Variants in MSANTD2 observed in about 807,000 individuals in gnomAD.
MSANTD2 encodes the protein Myb/SANT DNA binding domain containing 2, also known as myb/SANT-like DNA-binding domain-containing protein 2.
A neutral mutation model predicts 52.6 loss-of-function variants in MSANTD2; 19 were observed. That is an observed-to-expected ratio of 0.36 (90% CI 0.25 to 0.53). The LOEUF is 0.53. Among genes scored for constraint, MSANTD2 ranks in the 20% least tolerant of loss-of-function variants. MSANTD2 has a pLI of 0.91. For missense variants in MSANTD2, 558 were observed against 716.3 expected (o/e 0.78, Z 2.52); for synonymous variants, 291 against 289.7 (o/e 1.00, Z -0.04).
intron 1 of MSANTD2, among the ~76,000 whole-genome samples, chr11:124,776,675 A>G (rs899722511): frequency 4.6e-5 from 7 of 152,362 alleles, no homozygotes; most frequent in African/African-American, 1.7e-4. Context: ...TGTCCCTTGA[A>G]GCCAGAAATC....
At chr11:124,783,438 G>C (rs1265685394) in intron 1 of MSANTD2, among the ~76,000 whole-genome samples, 1 of 152,094 alleles carries the variant, frequency 6.6e-6, no homozygotes, top group Non-Finnish European at 1.5e-5. Flanking sequence ...CTGGCCAACA[G>C]GAGATACCCT....
Position 124,800,342 on chromosome 11 carries a change from C to A in MSANTD2, c.39G>T (p.Ser13=). 1 of 1,553,798 alleles carries A rather than the reference C, an allele frequency of 6.4e-7. No individual in the cohort carries two copies. Among genetic ancestry groups the A allele is most frequent in the Non-Finnish European group, 8.7e-7 (1 of 1,152,356 alleles). ...CCTCCATCTTCGGAATTTTTAGCGG[C>A]GAGTTGGCGGGCAGCTCCGAGCCAC... The part of the protein sequence containing the change: ...APCGSELPAN[S]PLKIPKMEVL... The change falls in exon 1 of 4, where the codon TCG becomes TCT. Residue 13 remains serine (S), a synonymous_variant. Coordinates refer to ENST00000374979, the MANE Select transcript of MSANTD2 (RefSeq NM_001308027.2). The surrounding 1 kb of genome is among the most constrained non-coding windows in gnomAD (Gnocchi z 4.3).
chr11:124,775,005 A>C (rs1273087633), intron 1 of MSANTD2, 31 bp from the exon 2 acceptor site: 1 of 1,523,784 alleles, frequency 6.6e-7, no homozygotes, highest in Non-Finnish European at 8.8e-7. Flanking sequence ...TTATTCCTTT[A>C]AAGCTGTACT....
chr11:124,780,322 G>A lies in MSANTD2; in HGVS notation c.511-5348C>T, dbSNP rs528984666. On this transcript the variant is annotated intron_variant, in intron 1 of 3. Transcript: ENST00000374979. The stretch of plus-strand genomic sequence containing the variant: ...TGCTACCTTTTTTCTTAGGTTTTCT[G>A]TTCATTGACATCTGACAAACTGACT... 2.0e-5 allele frequency among the ~76,000 whole-genome samples: 3 copies of A among 152,244 alleles called. No homozygotes were observed. The East Asian group carries it at 5.8e-4, about 29-fold the overall frequency.
At chr11:124,793,334 T>C (rs1011193630) in intron 1 of MSANTD2, among the ~76,000 whole-genome samples, 1 of 152,354 alleles carries the variant, frequency 6.6e-6, no homozygotes, top group South Asian at 2.1e-4. Flanking sequence ...ACTCTCATCA[T>C]ATTCATCTCA....
intron 3 of MSANTD2, among the ~76,000 whole-genome samples, chr11:124,770,675 G>A (rs1591440964): frequency 1.3e-5 from 2 of 151,782 alleles, no homozygotes; most frequent in East Asian, 1.9e-4. Context: ...GCACCATCTC[G>A]GCTCACTGCA....
In MSANTD2 at chr11:124,800,279, T is replaced by G; in HGVS notation, c.102A>C (p.Gly34=). 1 of 1,569,080 alleles carries G rather than the reference T, an allele frequency of 6.4e-7. No individual in the cohort carries two copies. Among genetic ancestry groups the G allele is most frequent in the Non-Finnish European group, 8.6e-7 (1 of 1,160,406 alleles). ...TGGAAGGGTCGGACAGCGATGGATT[T>G]CCGTCGCTCAGGCCACCAGGAGAAG... The part of the protein sequence containing the change: ...SPASPGGLSD[G]NPSLSDPSTP... Residue 34 remains glycine (G), a synonymous_variant, in exon 1 of 4, where the codon GGA becomes GGC. Coordinates refer to ENST00000374979, the MANE Select transcript of MSANTD2 (RefSeq NM_001308027.2). This position sits in a 1 kb window ranked among gnomAD's most constrained non-coding sequence, Gnocchi z 4.3.
At chr11:124,791,564 A>T in intron 1 of MSANTD2, 4 of 1,273,998 alleles carry the variant, frequency 3.1e-6, no homozygotes, top group Non-Finnish European at 4.5e-6. Flanking sequence ...CACCAATGTG[A>T]CCCTGAGCTG....
rs1233954331 is a variant in MSANTD2 at position 124,774,395 on chromosome 11, T to C, written c.766+324A>G. ...ATTTAGAATTGCATAGGATGTTACC[T>C]GTCACTGAGTGTACTTGTATAGCTC... On this transcript the variant is annotated intron_variant, in intron 2 of 3. Coordinates refer to ENST00000374979, the MANE Select transcript of MSANTD2 (RefSeq NM_001308027.2). The surrounding 1 kb of genome is among the most constrained non-coding windows in gnomAD (Gnocchi z 5.1). Among the ~76,000 whole-genome samples the C allele has an allele frequency of 6.6e-6, 1 of 152,270 alleles. No homozygotes were observed. The highest frequency in any genetic ancestry group is 2.4e-5 in the African/African-American group (1 of 41,474).
At chr11:124,776,199 A>T (rs1014110298) in intron 1 of MSANTD2, 2 of 152,234 alleles carry the variant, frequency 1.3e-5, no homozygotes, top group African/African-American at 4.8e-5. Context: ...TTTATCCTAA[A>T]CGTGAGATTG....
intron 1 of MSANTD2, among the ~76,000 whole-genome samples, chr11:124,798,451 C>T (rs931231850): frequency 4.6e-5 from 7 of 151,966 alleles, no homozygotes; most frequent in African/African-American, 7.3e-5. Context: ...TAGCTTTGTC[C>T]TATTAGCTAC....
At chr11:124,777,387 T>C (rs1944784739) in intron 1 of MSANTD2, among the ~76,000 whole-genome samples, 1 of 152,220 alleles carries the variant, frequency 6.6e-6, no homozygotes, top group Non-Finnish European at 1.5e-5. Flanking sequence ...TAACATTCCT[T>C]TCAAGAAAGG....
intron 1 of MSANTD2, chr11:124,791,601 C>A: frequency 4.8e-6 from 7 of 1,467,892 alleles, no homozygotes; most frequent in Non-Finnish European, 6.6e-6. Context: ...AAGCCCGCTG[C>A]CCAATATCAG....
intron 1 of MSANTD2, among the ~76,000 whole-genome samples, chr11:124,786,718 T>C (rs888632364): frequency 6.6e-6 from 1 of 152,228 alleles, no homozygotes; most frequent in African/African-American, 2.4e-5. Flanking sequence ...AAACGATAAA[T>C]TATCTCCAAG....
chr11:124,774,243 C>A lies in MSANTD2; in HGVS notation c.766+476G>T, dbSNP rs1346002765. Among the ~76,000 whole-genome samples the A allele has an allele frequency of 6.6e-6, 1 of 152,140 alleles. No individual in the cohort carries two copies. Among genetic ancestry groups the A allele is most frequent in the Non-Finnish European group, 1.5e-5 (1 of 68,036 alleles). On this transcript the variant is annotated intron_variant, in intron 2 of 3. Transcript: ENST00000374979. The surrounding 1 kb of genome is among the most constrained non-coding windows in gnomAD (Gnocchi z 5.1). ...TTCAGGCTCAAGTCTGAGAGAAGAC[C>A]TTTTCCAAATCATAAACAGAAAAGA...
intron 1 of MSANTD2, among the ~76,000 whole-genome samples, chr11:124,786,840 C>T (rs150838045): frequency 0.011 from 1,628 of 152,266 alleles, 11 homozygotes; most frequent in South Asian, 0.027. Flanking sequence ...ATAATCACGT[C>T]GTTGCCAAAA....
chr11:124,790,992 C>G, intron 1 of MSANTD2: 1 of 384,252 alleles, frequency 2.6e-6, no homozygotes, highest in Non-Finnish European at 4.9e-6. Context: ...TTTTATTTAA[C>G]TGTAGGTTAT....
intron 1 of MSANTD2, among the ~76,000 whole-genome samples, chr11:124,799,275 C>T (rs772197828): frequency 6.6e-6 from 1 of 152,222 alleles, no homozygotes; most frequent in Non-Finnish European, 1.5e-5. Flanking sequence ...TAACAATACA[C>T]AATCTGGCTA....
chr11:124,783,615 G>C lies in MSANTD2; in HGVS notation c.511-8641C>G, dbSNP rs1447715355. The C allele has an allele frequency of 1.1e-5, 7 of 626,434 alleles. No individual in the cohort carries two copies. In the East Asian group the frequency reaches 8.5e-4, roughly 76 times the overall value. 38.8% of individuals were successfully genotyped at this position (626,434 alleles called of 1,614,324 possible). On this transcript the variant is annotated intron_variant, in intron 1 of 3. Coordinates refer to ENST00000374979, the MANE Select transcript of MSANTD2 (RefSeq NM_001308027.2). The stretch of plus-strand genomic sequence containing the variant: ...AGCCTGAGTGACAGAGTGAGACTCT[G>C]TCTCAAAAAATAAAAATAAAAAATA...
Sources: gnomAD v4.1 joint callset for allele counts (sites outside exome capture counted in the v4.1 genomes callset) on GRCh38, gnomAD v4.1.1 for gene constraint, Gnocchi (gnomAD v3.1) non-coding constraint, MANE v1.5 for transcripts, NCBI Gene and HGNC (gene_info 2026-07-23, HGNC 2026-07-21) for gene names.